ZNF773: variants seen among roughly 807,000 people sequenced by gnomAD.
ZNF773 encodes the protein zinc finger protein 419B.
ZNF773 carries 11 observed loss-of-function variants against 12.8 expected under a neutral mutation model. The ratio of observed to expected loss-of-function variants is 0.86; its 90% CI spans 0.54 to 1.42. The LOEUF is 1.42. Ranked by LOEUF, ZNF773 falls within the 40% of genes most tolerant of loss-of-function variation. The pLI is 0.00. For synonymous variants in ZNF773, 175 were observed against 178.4 expected, an observed-to-expected ratio of 0.98 and a Z score of 0.15; for missense variants, 518 against 527.2, an observed-to-expected ratio of 0.98 and a Z score of 0.17.
chr19:57,506,665 T>G lies in ZNF773; in HGVS notation c.570T>G (p.His190Gln). The change falls in exon 4 of 4, where the codon CAT (histidine) becomes CAG (glutamine). Residue 190 changes from histidine (H) to glutamine (Q), a missense_variant. Transcript: ENST00000282292. ...AGGCCTTTCATGCTGGAAAAAGGCATTACAAATGCAGTGAATGTGGGAAAG... is the reference window on the plus strand; with the variant it reads ...AGGCCTTTCATGCTGGAAAAAGGCAGTACAAATGCAGTGAATGTGGGAAAG... ...SREAFHAGKRHYKCSECGKAF... is the reference protein window; with the variant it reads ...SREAFHAGKRQYKCSECGKAF... 1 of 1,614,244 alleles carries G rather than the reference T, an allele frequency of 6.2e-7. No homozygotes were observed. The highest frequency in any genetic ancestry group is 8.5e-7 in the Non-Finnish European group (1 of 1,180,046).
At chr19:57,515,088 A>T (rs2089823693), downstream of ZNF773, 2 of 152,180 alleles carry the variant, frequency 1.3e-5, no homozygotes, top group Admixed American at 1.3e-4. Context: ...ATTGTCTGTG[A>T]TTCAGCCTAT....
downstream of ZNF773, chr19:57,514,592 C>T (rs1360540920): frequency 6.6e-6 from 1 of 152,226 alleles, no homozygotes; most frequent in Non-Finnish European, 1.5e-5. Context: ...AATTCATACA[C>T]AAATCTGTAA....
chr19:57,516,157 G>T, downstream of ZNF773: 1 of 155,668 alleles, frequency 6.4e-6, no homozygotes, highest in South Asian at 1.8e-4. Context: ...CCTCCAGTAC[G>T]AGCCATGAGC....
chr19:57,504,717 C>T lies in ZNF773; in HGVS notation c.94C>T (p.Leu32Phe). The change falls in exon 2 of 4, where the codon CTT becomes TTT. Residue 32 changes from leucine to phenylalanine, a missense_variant. By Grantham distance (22) the Leu-to-Phe change is conservative. Transcript: ENST00000282292. Reference protein sequence around the residue: ...VYFSQEEWRLLDDAQRLLYRN... With the variant: ...VYFSQEEWRLFDDAQRLLYRN... ...CTTCTCCCAGGAGGAATGGAGATTG[C>T]TTGATGACGCTCAGAGGCTCCTCTA... 6.2e-7 allele frequency: 1 copy of T among 1,613,964 alleles called. No homozygotes were observed. The highest frequency in any genetic ancestry group is 8.5e-7 in the Non-Finnish European group (1 of 1,179,984).
chr19:57,504,971 C>T (rs371656564), intron 2 of ZNF773, 185 bp downstream of exon 2: 2 of 1,080,800 alleles, frequency 1.9e-6, no homozygotes, highest in Non-Finnish European at 2.7e-6. Context: ...TGAGCTGCCC[C>T]ACAGCTGTGC....
In ZNF773 at chr19:57,507,147, G is replaced by C; in HGVS notation, c.1052G>C (p.Arg351Pro). 1 of 1,613,868 alleles carries C rather than the reference G, an allele frequency of 6.2e-7. No homozygotes were observed. Residue 351 changes from arginine to proline, a missense_variant, in exon 4 of 4, where the codon CGT (arginine) becomes CCT (proline). Coordinates refer to ENST00000282292, the MANE Select transcript of ZNF773 (RefSeq NM_198542.3). ...SHKSSLINHW[R>P]VHTGERPYEC... ...AAGTCCAGCCTTATCAATCATTGGCGTGTTCACACTGGAGAAAGGCCTTAT... is the reference window on the plus strand; with the variant it reads ...AAGTCCAGCCTTATCAATCATTGGCCTGTTCACACTGGAGAAAGGCCTTAT...
chr19:57,505,968 G>A (rs1262661660), intron 3 of ZNF773, among the ~76,000 whole-genome samples: 10 of 152,148 alleles, frequency 6.6e-5, no homozygotes, highest in African/African-American at 1.7e-4. Context: ...CTTGGCCTCC[G>A]AAAGTGCTGG....
chr19:57,515,232 G>A (rs909388659), downstream of ZNF773: 2 of 152,138 alleles, frequency 1.3e-5, no homozygotes, highest in African/African-American at 4.8e-5. Flanking sequence ...TCTCATATTT[G>A]CTATCACACA....
rs2089758071 is a variant in ZNF773 at position 57,507,755 on chromosome 19, A to G, written c.*331A>G. On this transcript the variant is annotated 3_prime_UTR_variant, in exon 4 of 4. Coordinates refer to ENST00000282292, the MANE Select transcript of ZNF773 (RefSeq NM_198542.3). ...TTTGGGAGGCTGAAGCGGGCGGATC[A>G]CAAGGTCAGGACATCGAAACCATCC... The G allele has an allele frequency of 9.3e-7, 1 of 1,070,142 alleles. No individual in the cohort carries two copies. The highest frequency in any genetic ancestry group is 1.1e-6 in the Non-Finnish European group (1 of 874,040). The allele number at this position is 1,070,142 out of a possible 1,614,324, so 66.3% of individuals were successfully genotyped here.
At chr19:57,508,806 G>C (rs2089774341), downstream of ZNF773, among the ~76,000 whole-genome samples, 2 of 145,154 alleles carry the variant, frequency 1.4e-5, no homozygotes, top group South Asian at 4.1e-4. Context: ...TTTTAAATGT[G>C]CTTATTCGTC....
downstream of ZNF773, among the ~76,000 whole-genome samples, chr19:57,509,414 G>A (rs2089778747): frequency 2.0e-5 from 3 of 152,160 alleles, no homozygotes; most frequent in Admixed American, 1.3e-4. Flanking sequence ...GTAGCTTTGA[G>A]CATATTTAAT....
In ZNF773 at chr19:57,506,388, C is replaced by T. The variant is rs755905202; in HGVS notation, c.293C>T (p.Ala98Val). The T allele has an allele frequency of 7.0e-5, 113 of 1,613,230 alleles. No individual in the cohort carries two copies. The highest frequency in any genetic ancestry group is 9.5e-5 in the Non-Finnish European group (112 of 1,179,714). The change falls in exon 4 of 4, where the codon GCT becomes GTT. Residue 98 changes from alanine (A) to valine (V), a missense_variant. Ala to Val is a moderately conservative substitution (Grantham distance 64). Coordinates refer to ENST00000282292, the MANE Select transcript of ZNF773 (RefSeq NM_198542.3). Reference sequence around the variant, plus strand: ...TGGCAAGGAGCCAAGGCTGAGGCAGCTGCTGAGCAGAGTGCTTCTGTAGAA... The same window carrying T: ...TGGCAAGGAGCCAAGGCTGAGGCAGTTGCTGAGCAGAGTGCTTCTGTAGAA... ...GSWQGAKAEAAAEQSASVEVP... is the reference protein window; with the variant it reads ...GSWQGAKAEAVAEQSASVEVP...
At chr19:57,504,894 C>T in intron 2 of ZNF773, 108 bp downstream of exon 2, 4 of 1,387,738 alleles carry the variant, frequency 2.9e-6, no homozygotes, top group South Asian at 1.2e-5. Context: ...GCACTCATTC[C>T]TTCTCCAGTA....
downstream of ZNF773, chr19:57,514,077 G>A (rs547262508): frequency 2.0e-5 from 3 of 152,296 alleles, no homozygotes; most frequent in South Asian, 2.1e-4. Flanking sequence ...GCCTTGTAAT[G>A]TGTTTCCCAC....
intron 2 of ZNF773, chr19:57,504,993 T>G: frequency 1.1e-6 from 1 of 919,064 alleles, no homozygotes; most frequent in Non-Finnish European, 1.7e-6. Flanking sequence ...GGAAAGGGTT[T>G]GGGGGTCAGG....
downstream of ZNF773, among the ~76,000 whole-genome samples, chr19:57,510,403 A>T (rs2089785518): frequency 7.2e-6 from 1 of 138,252 alleles, no homozygotes; most frequent in East Asian, 1.9e-4. Flanking sequence ...CACATCTATG[A>T]AAAACAAACA....
At chr19:57,513,017 T>C, downstream of ZNF773, 1 of 1,561,296 alleles carries the variant, frequency 6.4e-7, no homozygotes, top group Non-Finnish European at 8.6e-7. Context: ...TCCTTCTTCA[T>C]TCAGTCCCGA....
At chr19:57,514,557 C>G (rs1260399256), downstream of ZNF773, 1 of 152,224 alleles carries the variant, frequency 6.6e-6, no homozygotes, top group Non-Finnish European at 1.5e-5. Context: ...TCCTACCTCC[C>G]ATTCTCCAAC....
downstream of ZNF773, among the ~76,000 whole-genome samples, chr19:57,512,503 A>T (rs1195997013): frequency 2.0e-5 from 3 of 148,880 alleles, no homozygotes; most frequent in Non-Finnish European, 4.4e-5. Flanking sequence ...TCCCAAGTTC[A>T]AGTGATTCTC....
Sources: gnomAD v4.1 joint callset for allele counts (sites outside exome capture counted in the v4.1 genomes callset) on GRCh38, gnomAD v4.1.1 for gene constraint, MANE v1.5 for transcripts, NCBI Gene and HGNC (gene_info 2026-07-23, HGNC 2026-07-21) for gene names.